SHISA5: variants seen among roughly 807,000 people sequenced by gnomAD.
SHISA5 encodes shisa family member 5, also known as protein shisa-5.
Under a neutral mutation model 27.5 loss-of-function variants are expected in SHISA5, and 21 were observed. The ratio of observed to expected loss-of-function variants is 0.76; its 90% confidence interval spans 0.54 to 1.10. The LOEUF is 1.10. Ranked by LOEUF, SHISA5 falls within the 50% of genes least tolerant of loss-of-function variation. SHISA5 has a pLI of 0.00. For synonymous variants in SHISA5, 137 were observed against 142.2 expected (o/e 0.96, Z 0.26); for missense variants, 314 against 336.3 (o/e 0.93, Z 0.52).
chr3:48,493,906 T>C (rs2041489919), intron 2 of SHISA5, among the ~76,000 whole-genome samples: 1 of 147,810 alleles, frequency 6.8e-6, no homozygotes. Context: ...TATGTATATA[T>C]TGAATGGCTA....
chr3:48,490,055 T>A (rs570646223), intron 2 of SHISA5, among the ~76,000 whole-genome samples: 9 of 152,068 alleles, frequency 5.9e-5, no homozygotes, highest in Non-Finnish European at 1.0e-4. Context: ...TGCCGCCACC[T>A]CCGTTTTTTT....
At chr3:48,482,730 G>A (rs1399443610) in intron 2 of SHISA5, among the ~76,000 whole-genome samples, 1 of 151,942 alleles carries the variant, frequency 6.6e-6, no homozygotes, top group Non-Finnish European at 1.5e-5. Flanking sequence ...CTGCCTCCCA[G>A]GTTCAAGCGA....
At position 48,486,584 on chromosome 3, in the gene SHISA5, A is replaced by ATT. The variant is rs2041254989; in HGVS notation, c.234-7329_234-7328dup. Among the ~76,000 whole-genome samples, 3 of 129,844 alleles carry ATT rather than the reference A, an allele frequency of 2.3e-5. No individual in the cohort carries two copies. In the East Asian group the frequency reaches 6.1e-4, roughly 26 times the overall value. 85.2% of individuals were successfully genotyped at this position (129,844 alleles called of 152,430 possible). A position where few individuals can be genotyped will look rare whatever the true frequency, so the allele number is the denominator to read the frequency against. The stretch of plus-strand genomic sequence containing the variant: ...AGATTATAGATTTTATATATTATAT[A>ATT]TTATATATATAGATTATATATATAT... On this transcript the variant is annotated intron_variant, in intron 2 of 5. Coordinates refer to ENST00000296444, the MANE Select transcript of SHISA5 (RefSeq NM_016479.6).
At chr3:48,502,955 C>T in intron 1 of SHISA5, 2 of 442,066 alleles carry the variant, frequency 4.5e-6, no homozygotes, top group Non-Finnish European at 8.3e-6. Context: ...CACCAAGTGA[C>T]CTCCTTGGGA....
intron 2 of SHISA5, among the ~76,000 whole-genome samples, chr3:48,490,687 A>C (rs1490472701): frequency 6.6e-6 from 1 of 152,186 alleles, no homozygotes; most frequent in Non-Finnish European, 1.5e-5. Context: ...CTCTGGCATA[A>C]CATTAAGAGA....
intron 2 of SHISA5, among the ~76,000 whole-genome samples, chr3:48,481,178 C>T (rs956539687): frequency 2.6e-5 from 4 of 152,100 alleles, no homozygotes; most frequent in Non-Finnish European, 5.9e-5. Context: ...TGGTGGCTCA[C>T]GCCTGTAATC....
chr3:48,473,878 T>C lies in SHISA5; in HGVS notation c.315-4035A>G, dbSNP rs1434244147. Among the ~76,000 whole-genome samples the C allele has an allele frequency of 6.6e-6, 1 of 151,726 alleles. No homozygotes were observed. The highest frequency in any genetic ancestry group is 2.4e-5 in the African/African-American group (1 of 41,322). ...GAGTTCGAGACCAGCCTGGGCAACA[T>C]GGCAAAACTCCTTCTTTACCTACCA... On this transcript the variant is annotated intron_variant, in intron 3 of 5. Coordinates refer to ENST00000296444, the MANE Select transcript of SHISA5 (RefSeq NM_016479.6). The surrounding 1 kb of genome is among the most constrained non-coding windows in gnomAD (Gnocchi z 4.3).
intron 3 of SHISA5, among the ~76,000 whole-genome samples, chr3:48,475,584 C>T (rs2040796987): frequency 6.6e-6 from 1 of 152,202 alleles, no homozygotes; most frequent in South Asian, 2.1e-4. Flanking sequence ...GCTTTGAGGG[C>T]TGGGAGGTAG....
intron 2 of SHISA5, among the ~76,000 whole-genome samples, chr3:48,494,402 A>G (rs887582650): frequency 7.1e-6 from 1 of 141,606 alleles, no homozygotes; most frequent in Non-Finnish European, 1.5e-5. Flanking sequence ...AGTTCAAGGG[A>G]TTCTCCTGCC....
At chr3:48,503,076 A>T in intron 1 of SHISA5, 1 of 1,286,794 alleles carries the variant, frequency 7.8e-7, no homozygotes, top group Non-Finnish European at 1.0e-6. Flanking sequence ...TGACAAGCCC[A>T]GTTTGGCCAG....
intron 2 of SHISA5, among the ~76,000 whole-genome samples, chr3:48,491,308 CG>C (rs1272971666): frequency 2.0e-5 from 3 of 151,962 alleles, no homozygotes; most frequent in African/African-American, 7.3e-5. Flanking sequence ...TTAGTAGAGA[CG>C]GGGTTTCACC....
chr3:48,471,719 A>G (rs2040630234), intron 3 of SHISA5, among the ~76,000 whole-genome samples: 4 of 151,578 alleles, frequency 2.6e-5, no homozygotes, highest in Admixed American at 1.3e-4. Context: ...TCGAGAAAGT[A>G]TAAAAAAAAT....
At chr3:48,496,079 G>A (rs980662145) in intron 2 of SHISA5, among the ~76,000 whole-genome samples, 5 of 144,162 alleles carry the variant, frequency 3.5e-5, no homozygotes, top group African/African-American at 1.1e-4. Flanking sequence ...AAGGTCAGGC[G>A]TTCGAGACCA....
intron 3 of SHISA5, chr3:48,477,200 T>C: frequency 2.5e-6 from 1 of 394,704 alleles, no homozygotes; most frequent in South Asian, 1.9e-5. Flanking sequence ...GTTCAAGTGA[T>C]TCTCCTGCCT....
chr3:48,477,830 C>T (rs1178979453), intron 3 of SHISA5, among the ~76,000 whole-genome samples: 1 of 152,196 alleles, frequency 6.6e-6, no homozygotes, highest in African/African-American at 2.4e-5. Flanking sequence ...AGTCTCCATC[C>T]TCACCTCTTG....
At chr3:48,497,103 G>C (rs1316715583) in intron 2 of SHISA5, among the ~76,000 whole-genome samples, 5 of 150,792 alleles carry the variant, frequency 3.3e-5, no homozygotes. Flanking sequence ...GTGGTGGCAG[G>C]CACCTGTAAT....
chr3:48,483,091 ATTTT>A (rs71074250), intron 2 of SHISA5, among the ~76,000 whole-genome samples: 1 of 142,930 alleles, frequency 7.0e-6, no homozygotes, highest in Non-Finnish European at 1.5e-5. Flanking sequence ...CACCTAGCTA[ATTTT>A]TTTTTTTTTT....
chr3:48,493,641 C>T (rs1448122669), intron 2 of SHISA5, among the ~76,000 whole-genome samples: 1 of 142,776 alleles, frequency 7.0e-6, no homozygotes, highest in Non-Finnish European at 1.5e-5. Flanking sequence ...AGCGATTCTC[C>T]CTGCCTCAGC....
intron 2 of SHISA5, among the ~76,000 whole-genome samples, chr3:48,495,980 A>G (rs1419940614): frequency 6.8e-6 from 1 of 146,816 alleles, no homozygotes; most frequent in Non-Finnish European, 1.5e-5. Flanking sequence ...GTAAAACCCC[A>G]TCTCAACTAA....
Sources: gnomAD v4.1 joint callset for allele counts (sites outside exome capture counted in the v4.1 genomes callset) on GRCh38, gnomAD v4.1.1 for gene constraint, Gnocchi (gnomAD v3.1) non-coding constraint, MANE v1.5 for transcripts, NCBI Gene and HGNC (gene_info 2026-07-23, HGNC 2026-07-21) for gene names.